The following UMODL1 variants were observed in gnomAD, a reference collection of about 807,000 sequenced individuals.
UMODL1 encodes uromodulin-like 1.
Under a neutral mutation model 136.3 loss-of-function variants are expected in UMODL1, and 128 were observed. That is an observed-to-expected ratio of 0.94 (90% CI 0.81 to 1.09). The LOEUF is 1.09. Ranked by LOEUF, UMODL1 falls within the 50% of genes least tolerant of loss-of-function variation. The probability of loss-of-function intolerance (pLI) is 0.00; values close to 1 mark genes in which losing one functional copy is unlikely to be tolerated. For missense variants in UMODL1, 1,766 were observed against 1,725.6 expected, an observed-to-expected ratio of 1.02 and a Z score of -0.41; for synonymous variants, 721 against 720.0, an observed-to-expected ratio of 1.00 and a Z score of -0.02.
At position 42,121,115 on chromosome 21, in the gene UMODL1, C is replaced by G; in HGVS notation, c.2718C>G (p.Asp906Glu). Reference sequence around the variant, plus strand: ...ACGATGAGTGTGAAAGGAAGGAGGACGACTGTGTGCCGGGGACATCCTGTC... The same window carrying G: ...ACGATGAGTGTGAAAGGAAGGAGGAGGACTGTGTGCCGGGGACATCCTGTC... ...QDYDECERKEDDCVPGTSCRN... is the reference protein window; with the variant it reads ...QDYDECERKEEDCVPGTSCRN... The change falls in exon 16 of 23, where the codon GAC becomes GAG. Residue 906 changes from aspartate to glutamate, a missense_variant. Asp to Glu is a conservative substitution (Grantham distance 45). Transcript: ENST00000408910. 6.2e-7 allele frequency: 1 copy of G among 1,613,840 alleles called. No homozygotes were observed. The highest frequency in any genetic ancestry group is 1.1e-5 in the South Asian group (1 of 90,996).
rs750909330 is a variant in UMODL1 at position 42,137,425 on chromosome 21, G to A, written c.3776-14G>A. The A allele has an allele frequency of 6.2e-7, 1 of 1,613,714 alleles. No individual in the cohort carries two copies. The highest frequency in any genetic ancestry group is 2.2e-5 in the East Asian group (1 of 44,854). On this transcript the variant is annotated splice_polypyrimidine_tract_variant and intron_variant, in intron 21 of 22. Transcript: ENST00000408910. ...TTGTGCAGATCTCTCACCTGTGCCT[G>A]TCTCCTCCCCGAGGTGAGCCTCCTC... is the stretch of plus-strand genomic sequence containing the variant.
Position 42,109,593 on chromosome 21 carries a change from C to G in UMODL1, c.1551C>G (p.His517Gln). 6.2e-7 allele frequency: 1 copy of G among 1,611,664 alleles called. No individual in the cohort carries two copies. Among genetic ancestry groups the G allele is most frequent in the Non-Finnish European group, 8.5e-7 (1 of 1,180,020 alleles). The stretch of plus-strand genomic sequence containing the variant: ...ACGAGTGTGTGGACAGCGCGGAACA[C>G]GACTGCTCACCGGCTGCCTGGTGCA... ...DWDECVDSAE[H>Q]DCSPAAWCIN... is the part of the protein sequence containing the mutation. Residue 517 changes from histidine to glutamine, a missense_variant, in exon 10 of 23, where the codon CAC becomes CAG. Transcript: ENST00000408910.
intron 2 of UMODL1, among the ~76,000 whole-genome samples, chr21:42,082,787 C>T (rs1363703041): frequency 6.6e-6 from 1 of 152,206 alleles, no homozygotes; most frequent in South Asian, 2.1e-4. Flanking sequence ...TGTCTCCTGA[C>T]CCCTGGGGTT....
chr21:42,128,771 G>T (rs1029020444), intron 20 of UMODL1, among the ~76,000 whole-genome samples: 2 of 152,226 alleles, frequency 1.3e-5, no homozygotes, highest in African/African-American at 2.4e-5. Context: ...TGGCTCTCAA[G>T]TTCTCTACAA....
chr21:42,069,697 T>G (rs1231680062), upstream of UMODL1, among the ~76,000 whole-genome samples: 2 of 152,230 alleles, frequency 1.3e-5, no homozygotes, highest in African/African-American at 4.8e-5. Context: ...TTTTAACCTG[T>G]AATATTATCC....
At chr21:42,071,618 G>T (rs879514926) in intron 1 of UMODL1, among the ~76,000 whole-genome samples, 6 of 152,150 alleles carry the variant, frequency 3.9e-5, no homozygotes, top group Admixed American at 1.3e-4. Context: ...GACTCCCCCA[G>T]TGGGAACCTG....
rs1435358828 is a variant in UMODL1, at chr21:42,111,657, C to T, written c.2051C>T (p.Ser684Phe). 6.8e-6 allele frequency: 11 copies of T among 1,613,882 alleles called. No homozygotes were observed. The Admixed American group carries it at 1.8e-4, about 27-fold the overall frequency. Residue 684 changes from serine (S) to phenylalanine (F), a missense_variant, in exon 12 of 23, where the codon TCT (serine) becomes TTT (phenylalanine). By Grantham distance (155) the Ser-to-Phe change is radical. Transcript: ENST00000408910. ...AATGAGGACAGTGGACCCTCCGGTT[C>T]TGTAGACCTGCCATTGACCTCCACC... The part of the protein sequence containing the change: ...LRNEDSGPSG[S>F]VDLPLTSTLT...
At chr21:42,115,424 C>T (rs1163444950) in intron 13 of UMODL1, among the ~76,000 whole-genome samples, 1 of 152,250 alleles carries the variant, frequency 6.6e-6, no homozygotes, top group East Asian at 1.9e-4. Flanking sequence ...CCTGTGGCCA[C>T]GTGGACTCTG....
chr21:42,126,510 G>A lies in UMODL1; in HGVS notation c.3293+20G>A. The stretch of plus-strand genomic sequence containing the variant: ...GTGGGGGTAAGGGAGAAATGCCCCG[G>A]CTGCCCCACAGCCACGTGCCTCCAG... On this transcript the variant is annotated intron_variant, in intron 18 of 22. Coordinates refer to ENST00000408910, the MANE Select transcript of UMODL1 (RefSeq NM_001004416.3). 6.2e-7 allele frequency: 1 copy of A among 1,614,082 alleles called. No homozygotes were observed. Among genetic ancestry groups the A allele is most frequent in the Non-Finnish European group, 8.5e-7 (1 of 1,180,000 alleles).
chr21:42,126,604 C>A, intron 18 of UMODL1, 114 bp downstream of exon 18: 1 of 1,479,240 alleles, frequency 6.8e-7, no homozygotes. Flanking sequence ...ATGGAATATA[C>A]AAATGGGTGT....
chr21:42,094,844 G>A (rs1359907742), intron 6 of UMODL1, among the ~76,000 whole-genome samples: 1 of 110,802 alleles, frequency 9.0e-6, no homozygotes, highest in African/African-American at 3.3e-5. Context: ...TCGTAGATAT[G>A]TAAGTTTCCC....
At chr21:42,104,430 C>CT (rs56706695) in intron 9 of UMODL1, among the ~76,000 whole-genome samples, 45 of 151,374 alleles carry the variant, frequency 3.0e-4, no homozygotes, top group African/African-American at 1.0e-3. Flanking sequence ...TTTTTCTTTT[C>CT]TTTTTTTTCT....
chr21:42,077,799 G>A (rs1322263958), intron 2 of UMODL1, among the ~76,000 whole-genome samples: 2 of 152,172 alleles, frequency 1.3e-5, no homozygotes, highest in Admixed American at 1.3e-4. Flanking sequence ...AACAGGGTTA[G>A]TAAAAACAAG....
Position 42,090,527 on chromosome 21 carries a change from C to G in UMODL1, c.931+89C>G. On this transcript the variant is annotated intron_variant, in intron 6 of 22. Transcript: ENST00000408910. ...TCACCAGCAGTGCTTACAGCTGCAGCATTCACCCCGAGATAACTCTGCCAT... is the reference window on the plus strand; with the variant it reads ...TCACCAGCAGTGCTTACAGCTGCAGGATTCACCCCGAGATAACTCTGCCAT... 4.7e-6 allele frequency: 7 copies of G among 1,476,264 alleles called. No individual in the cohort carries two copies. The South Asian group carries it at 8.8e-5, about 18-fold the overall frequency. The allele number at this position is 1,476,264 out of a possible 1,614,324, so 91.4% of individuals were successfully genotyped here. A position where few individuals can be genotyped will look rare whatever the true frequency, so the allele number is the denominator to read the frequency against.
chr21:42,074,827 C>G (rs902583649), intron 1 of UMODL1, among the ~76,000 whole-genome samples: 2 of 152,112 alleles, frequency 1.3e-5, no homozygotes, highest in South Asian at 4.1e-4. Context: ...TGGGTTCAAG[C>G]AATTCTCCTG....
chr21:42,072,989 C>T (rs543117507), intron 1 of UMODL1, among the ~76,000 whole-genome samples: 4 of 150,242 alleles, frequency 2.7e-5, no homozygotes, highest in South Asian at 2.1e-4. Flanking sequence ...AAACATCTCC[C>T]GGGTTCCACA....
In UMODL1 at chr21:42,085,318, G is replaced by A. The variant is rs1321476878; in HGVS notation, c.509G>A (p.Trp170Ter). 1 of 1,613,990 alleles carries A rather than the reference G, an allele frequency of 6.2e-7. No individual in the cohort carries two copies. Among genetic ancestry groups the A allele is most frequent in the Non-Finnish European group, 8.5e-7 (1 of 1,179,956 alleles). Residue 170 changes from tryptophan to a stop codon, truncating the protein, a stop_gained, in exon 4 of 23, where the codon TGG becomes TAG. Transcript: ENST00000408910. LOFTEE classifies it high-confidence loss of function. This position sits in a 1 kb window ranked among gnomAD's most constrained non-coding sequence, Gnocchi z 4.5. Reference protein sequence around the residue: ...QAPERDPVGSWYNVTILVKMD... With the variant: ...QAPERDPVGS ...CCAGAGAGGGACCCTGTGGGCTCCT[G>A]GTACAACGTCACCATACTGGTGAAA...
intron 2 of UMODL1, among the ~76,000 whole-genome samples, chr21:42,081,677 A>C (rs1310724897): frequency 6.6e-6 from 1 of 152,322 alleles, no homozygotes; most frequent in South Asian, 2.1e-4. Flanking sequence ...AGTTGCAAAG[A>C]TAATGCAGAA....
At chr21:42,141,383 C>A (rs1242999195) in intron 22 of UMODL1, among the ~76,000 whole-genome samples, 5 of 152,186 alleles carry the variant, frequency 3.3e-5, no homozygotes, top group Admixed American at 3.3e-4. Context: ...GTCTCAGGAC[C>A]CTTACAGCAT....
Sources: allele counts gnomAD v4.1 joint callset (sites outside exome capture counted in the v4.1 genomes callset), GRCh38; gene constraint gnomAD v4.1.1; non-coding constraint Gnocchi (gnomAD v3.1); transcripts MANE v1.5; gene names NCBI Gene and HGNC (gene_info 2026-07-23, HGNC 2026-07-21).